RBMS1: variants seen among roughly 807,000 people sequenced by gnomAD.
RBMS1 encodes the protein RNA-binding motif, single-stranded-interacting protein 1.
RBMS1 carries 17 observed loss-of-function variants against 62.3 expected under a neutral mutation model. That is an observed-to-expected ratio of 0.27 (90% CI 0.19 to 0.41). The LOEUF is 0.41. Ranked by LOEUF, RBMS1 falls within the 10% of genes least tolerant of loss-of-function variation. The pLI is 1.00. For synonymous variants in RBMS1, 172 were observed against 170.0 expected, an observed-to-expected ratio of 1.01 and a Z score of -0.09; for missense variants, 334 against 504.5, an observed-to-expected ratio of 0.66 and a Z score of 3.24.
At chr2:160,490,423 G>T (rs1330795997) in intron 1 of RBMS1, among the ~76,000 whole-genome samples, 2 of 151,828 alleles carry the variant, frequency 1.3e-5, no homozygotes, top group Non-Finnish European at 2.9e-5. Context: ...CTCATGTCCT[G>T]CTCTTCCATA....
intron 1 of RBMS1, among the ~76,000 whole-genome samples, chr2:160,438,857 C>G (rs1683240357): frequency 1.3e-5 from 2 of 151,870 alleles, no homozygotes; most frequent in Middle Eastern, 3.4e-3. Context: ...CGCCCCTCAC[C>G]TCCCGGACAG....
chr2:160,337,289 G>A (rs1312254567), intron 2 of RBMS1, among the ~76,000 whole-genome samples: 3 of 151,692 alleles, frequency 2.0e-5, no homozygotes, highest in Non-Finnish European at 4.4e-5. Context: ...TCATGTCACT[G>A]CAGCTGGCTA....
intron 2 of RBMS1, 56 bp downstream of exon 2, chr2:160,367,160 T>C (rs1010414923): frequency 6.5e-7 from 1 of 1,541,920 alleles, no homozygotes; most frequent in Non-Finnish European, 8.9e-7. Flanking sequence ...TATCACTCTA[T>C]AATATGATCA....
At chr2:160,372,847 T>C (rs1295493209) in intron 1 of RBMS1, among the ~76,000 whole-genome samples, 1 of 152,080 alleles carries the variant, frequency 6.6e-6, no homozygotes, top group Non-Finnish European at 1.5e-5. Context: ...CTCCTATGGA[T>C]AGGTCAGAGA....
intron 1 of RBMS1, 21 bp downstream of exon 1, chr2:160,493,268 C>T (rs376909504): frequency 6.6e-5 from 106 of 1,611,044 alleles, no homozygotes; most frequent in Non-Finnish European, 8.5e-5. Context: ...CGGCCGTCAC[C>T]TCTCCCCGGC....
At chr2:160,438,830 G>A (rs1486498074) in intron 1 of RBMS1, among the ~76,000 whole-genome samples, 1 of 152,012 alleles carries the variant, frequency 6.6e-6, no homozygotes, top group Non-Finnish European at 1.5e-5. Context: ...TTCCCAGTAG[G>A]CGCGGCCGGG....
At chr2:160,493,003 A>T in intron 1 of RBMS1, 1 of 368,916 alleles carries the variant, frequency 2.7e-6, no homozygotes, top group Non-Finnish European at 4.9e-6. Flanking sequence ...GCTCGACCCC[A>T]CGACCCTCCC....
chr2:160,383,294 G>A (rs1229808091), intron 1 of RBMS1, among the ~76,000 whole-genome samples: 2 of 151,982 alleles, frequency 1.3e-5, no homozygotes, highest in African/African-American at 4.8e-5. Context: ...CCATCTTCAC[G>A]TGGCCTTCTC....
chr2:160,349,298 G>T (rs1452574256), intron 2 of RBMS1, among the ~76,000 whole-genome samples: 1 of 152,106 alleles, frequency 6.6e-6, no homozygotes, highest in African/African-American at 2.4e-5. Context: ...AAAAGTATCT[G>T]ATTATTTACC....
At chr2:160,341,210 A>AC (rs1404170333) in intron 2 of RBMS1, among the ~76,000 whole-genome samples, 1 of 152,318 alleles carries the variant, frequency 6.6e-6, no homozygotes, top group East Asian at 1.9e-4. Context: ...ATATTCCTCC[A>AC]AAGCAAGATC....
At chr2:160,433,595 T>G (rs1163320669) in intron 1 of RBMS1, among the ~76,000 whole-genome samples, 11 of 152,242 alleles carry the variant, frequency 7.2e-5, no homozygotes, top group Non-Finnish European at 1.3e-4. Flanking sequence ...TAATTTTGAT[T>G]CCTGGATTTA....
At position 160,392,978 on chromosome 2, in the gene RBMS1, C is replaced by T. The variant is rs75749939; in HGVS notation, c.76-25587G>A. ...TTTTGCTTAAATTTCTCTTAATGCT[C>T]GCCAGTTTTTCTGCACCCCTTTTAA... is the stretch of plus-strand genomic sequence containing the variant. On this transcript the variant is annotated intron_variant, in intron 1 of 13. Transcript: ENST00000348849. 7.1e-3 allele frequency among the ~76,000 whole-genome samples: 1,079 copies of T among 152,222 alleles called. 13 individuals carry two copies. The highest frequency in any genetic ancestry group is 0.036 in the East Asian group (187 of 5,174).
chr2:160,415,815 C>A (rs1005719425), intron 1 of RBMS1, among the ~76,000 whole-genome samples: 22 of 151,906 alleles, frequency 1.4e-4, no homozygotes, highest in African/African-American at 4.4e-4. Context: ...GCTAAAATTA[C>A]CATTAAATTA....
intron 1 of RBMS1, among the ~76,000 whole-genome samples, chr2:160,413,059 A>T (rs1244248650): frequency 1.3e-5 from 2 of 152,256 alleles, no homozygotes; most frequent in African/African-American, 4.8e-5. Context: ...AGATAAGAAT[A>T]GAACACCTCT....
intron 1 of RBMS1, among the ~76,000 whole-genome samples, chr2:160,450,564 G>GAAAAAAAAAAAAAAAAAAAAAAAATAAA (rs1181640365): frequency 1.8e-5 from 1 of 56,582 alleles, no homozygotes; most frequent in South Asian, 5.4e-4. Flanking sequence ...AATAAAAAAT[G>GAAAAAAAAAAAAAAAAAAAAAAAATAAA]AAAAAAAAAA....
chr2:160,471,562 A>G lies in RBMS1; in HGVS notation c.75+21727T>C, dbSNP rs1167024178. On this transcript the variant is annotated intron_variant, in intron 1 of 13. Transcript: ENST00000348849. The stretch of plus-strand genomic sequence containing the variant: ...ATATTACAAATATGTGTGAATCACA[A>G]TGCTGGGTTGTTTAAAGAATATCTG... Among the ~76,000 whole-genome samples the G allele has an allele frequency of 1.1e-4, 17 of 150,892 alleles. No individual in the cohort carries two copies. In the South Asian group the frequency reaches 3.1e-3, roughly 28 times the overall value.
At chr2:160,470,202 T>C (rs1486449049) in intron 1 of RBMS1, among the ~76,000 whole-genome samples, 5 of 152,212 alleles carry the variant, frequency 3.3e-5, no homozygotes, top group African/African-American at 1.2e-4. Flanking sequence ...TATAGAGTTT[T>C]TCGATTGTCA....
chr2:160,404,342 T>A (rs1026301442), intron 1 of RBMS1, among the ~76,000 whole-genome samples: 1 of 152,150 alleles, frequency 6.6e-6, no homozygotes, highest in Non-Finnish European at 1.5e-5. Flanking sequence ...AGGTGAGAGA[T>A]GAGTACCAAC....
chr2:160,279,800 C>G (rs1688013310), intron 10 of RBMS1: 1 of 152,134 alleles, frequency 6.6e-6, no homozygotes, highest in Non-Finnish European at 1.5e-5. Context: ...AACTTTAATT[C>G]TGATGTAAAT....
Sources: gnomAD v4.1 joint callset for allele counts (sites outside exome capture counted in the v4.1 genomes callset) on GRCh38, gnomAD v4.1.1 for gene constraint, MANE v1.5 for transcripts, NCBI Gene and HGNC (gene_info 2026-07-23, HGNC 2026-07-21) for gene names.